The following RPS6KC1 variants were observed in gnomAD, a reference collection of about 807,000 sequenced individuals.
The protein encoded by RPS6KC1 is inactive ribosomal protein S6 kinase delta-1.
Under a neutral mutation model 103.8 loss-of-function variants are expected in RPS6KC1, and 54 were observed. The observed-to-expected ratio is 0.52, with a 90% CI of 0.42 to 0.65. The LOEUF (loss-of-function observed/expected upper bound fraction) is 0.65, where lower values mean the gene tolerates loss of function less well. Among genes scored for constraint, RPS6KC1 ranks in the 30% least tolerant of loss-of-function variants. RPS6KC1 has a pLI of 0.00. For synonymous variants in RPS6KC1, 439 were observed against 438.7 expected (o/e 1.00, Z -0.01); for missense variants, 1,151 against 1,253.8 (o/e 0.92, Z 1.24).
the RPS6KC1 span, among the ~76,000 whole-genome samples, chr1:213,476,306 T>G: frequency 6.6e-6 from 1 of 152,150 alleles, no homozygotes; most frequent in African/African-American, 2.4e-5. Flanking sequence ...TGATAGTGGA[T>G]GAGAGATCAA....
At chr1:213,506,017 C>T in the RPS6KC1 span, among the ~76,000 whole-genome samples, 1 of 152,144 alleles carries the variant, frequency 6.6e-6, no homozygotes, top group Non-Finnish European at 1.5e-5. Context: ...GTCCTTGGAT[C>T]AGGTGCCCAC....
At chr1:213,843,490 C>A in the RPS6KC1 span, 2 of 152,198 alleles carry the variant, frequency 1.3e-5, no homozygotes, top group Non-Finnish European at 2.9e-5. Context: ...TACCGGACCC[C>A]AACCTGAAGC....
At chr1:213,391,896 C>G in the RPS6KC1 span, among the ~76,000 whole-genome samples, 1 of 152,170 alleles carries the variant, frequency 6.6e-6, no homozygotes, top group African/African-American at 2.4e-5. Flanking sequence ...TCATCCTTGA[C>G]AAGGAAGATA....
the RPS6KC1 span, among the ~76,000 whole-genome samples, chr1:213,860,759 G>A: frequency 8.6e-5 from 13 of 151,998 alleles, no homozygotes; most frequent in South Asian, 1.0e-3. Context: ...GCCTGGAGTC[G>A]CATGGTGAAG....
At chr1:213,509,585 C>T in the RPS6KC1 span, among the ~76,000 whole-genome samples, 1 of 152,176 alleles carries the variant, frequency 6.6e-6, no homozygotes, top group South Asian at 2.1e-4. Flanking sequence ...AGTCTTTACA[C>T]TTCACATAAC....
intron 8 of RPS6KC1, among the ~76,000 whole-genome samples, chr1:213,213,070 A>C (rs1050348915): frequency 4.6e-5 from 7 of 152,170 alleles, no homozygotes; most frequent in Non-Finnish European, 8.8e-5. Flanking sequence ...TAATTTTAAC[A>C]AAGTCTATCT....
chr1:213,513,519 A>G, the RPS6KC1 span, among the ~76,000 whole-genome samples: 7 of 152,224 alleles, frequency 4.6e-5, no homozygotes, highest in African/African-American at 7.2e-5. Context: ...ATAGGCACAA[A>G]AAGCAATGAC....
the RPS6KC1 span, among the ~76,000 whole-genome samples, chr1:213,593,323 C>G: frequency 2.0e-5 from 3 of 151,964 alleles, no homozygotes; most frequent in Non-Finnish European, 4.4e-5. Flanking sequence ...AGGTCACTGG[C>G]TGCTTGCTGT....
At chr1:213,754,073 T>G in the RPS6KC1 span, among the ~76,000 whole-genome samples, 5 of 152,178 alleles carry the variant, frequency 3.3e-5, no homozygotes, top group Non-Finnish European at 7.3e-5. Flanking sequence ...CCCGTTTCAC[T>G]GCTGCTTCCT....
At chr1:213,346,108 A>G in the RPS6KC1 span, among the ~76,000 whole-genome samples, 1 of 152,202 alleles carries the variant, frequency 6.6e-6, no homozygotes, top group Non-Finnish European at 1.5e-5. Context: ...CTACACTACT[A>G]TTAATAAAAT....
intron 8 of RPS6KC1, among the ~76,000 whole-genome samples, chr1:213,229,980 A>G (rs181555702): frequency 3.3e-5 from 5 of 152,270 alleles, no homozygotes; most frequent in Admixed American, 1.3e-4. Context: ...TTCTGGATAC[A>G]TTTTGAAGAC....
chr1:213,121,288 T>C (rs1178736518), intron 5 of RPS6KC1, among the ~76,000 whole-genome samples: 1 of 152,172 alleles, frequency 6.6e-6, no homozygotes, highest in Non-Finnish European at 1.5e-5. Flanking sequence ...GAAACCCCTT[T>C]AAGGTTTTGT....
At chr1:213,716,251 A>G in the RPS6KC1 span, among the ~76,000 whole-genome samples, 9 of 152,088 alleles carry the variant, frequency 5.9e-5, no homozygotes, top group Non-Finnish European at 1.0e-4. Context: ...TGCCATGGCT[A>G]TGGTTTGAGC....
At chr1:213,784,855 C>G in the RPS6KC1 span, among the ~76,000 whole-genome samples, 1 of 152,196 alleles carries the variant, frequency 6.6e-6, no homozygotes, top group Non-Finnish European at 1.5e-5. Flanking sequence ...CATAAACTTT[C>G]AGATACCATG....
the RPS6KC1 span, among the ~76,000 whole-genome samples, chr1:213,615,073 T>A: frequency 2.0e-5 from 3 of 152,230 alleles, no homozygotes; most frequent in Non-Finnish European, 1.5e-5. Flanking sequence ...ACTATTCCTA[T>A]GTGTGATGTG....
In RPS6KC1 at chr1:213,145,653, A is replaced by G. The variant is rs984775478; in HGVS notation, c.835+15764A>G. Among the ~76,000 whole-genome samples, 7 of 152,130 alleles carry G rather than the reference A, an allele frequency of 4.6e-5. No individual in the cohort carries two copies. In the South Asian group the frequency reaches 6.2e-4, roughly 13 times the overall value. ...ATTAGGTAGAATACATAGAAGGAGT[A>G]ATAGTACTGTGGAATAATAATTAGG... is the stretch of plus-strand genomic sequence containing the variant. On this transcript the variant is annotated intron_variant, in intron 6 of 14. Coordinates refer to ENST00000366960, the MANE Select transcript of RPS6KC1 (RefSeq NM_012424.6).
At chr1:213,157,407 C>T (rs1419540870) in intron 6 of RPS6KC1, among the ~76,000 whole-genome samples, 3 of 151,942 alleles carry the variant, frequency 2.0e-5, no homozygotes, top group Non-Finnish European at 4.4e-5. Flanking sequence ...CGGGGTTTCA[C>T]CGTGTTAGCC....
At chr1:213,385,930 T>A in the RPS6KC1 span, among the ~76,000 whole-genome samples, 3 of 152,210 alleles carry the variant, frequency 2.0e-5, no homozygotes, top group Non-Finnish European at 4.4e-5. Flanking sequence ...TTACTGGCTG[T>A]CTAACTGTGG....
chr1:213,635,068 C>A, the RPS6KC1 span, among the ~76,000 whole-genome samples: 1 of 152,052 alleles, frequency 6.6e-6, no homozygotes, highest in Non-Finnish European at 1.5e-5. Flanking sequence ...CAAAACTAAC[C>A]CAGGAAGAAA....
Sources: allele counts gnomAD v4.1 joint callset (sites outside exome capture counted in the v4.1 genomes callset), GRCh38; gene constraint gnomAD v4.1.1; transcripts MANE v1.5; gene names NCBI Gene and HGNC (gene_info 2026-07-23, HGNC 2026-07-21).